Variants in PRR5L observed in about 807,000 individuals in gnomAD.
PRR5L encodes the protein proline-rich protein 5-like.
In PRR5L, 21 loss-of-function variants were observed where a neutral mutation model predicts 36.4. The ratio of observed to expected loss-of-function variants is 0.58; its 90% CI spans 0.41 to 0.83. The LOEUF is 0.83. PRR5L is among the 40% of genes least tolerant of loss of function. The pLI is 0.00. For missense variants in PRR5L, 381 were observed against 473.3 expected, an observed-to-expected ratio of 0.80 and a Z score of 1.81; for synonymous variants, 188 against 197.0, an observed-to-expected ratio of 0.95 and a Z score of 0.38.
At chr11:36,332,797 T>C (rs1241789283) in intron 1 of PRR5L, among the ~76,000 whole-genome samples, 1 of 152,174 alleles carries the variant, frequency 6.6e-6, no homozygotes, top group Non-Finnish European at 1.5e-5. Flanking sequence ...ATATGCCTGC[T>C]CCCCTTTGCC....
intron 1 of PRR5L, among the ~76,000 whole-genome samples, chr11:36,310,995 CAAAAAAAAAAAA>C (rs59947428): frequency 9.0e-5 from 8 of 88,432 alleles, no homozygotes; most frequent in African/African-American, 3.4e-4. Flanking sequence ...ACTCCGTCTC[CAAAAAAAAAAAA>C]AAAAAAAAAG....
chr11:36,376,659 CG>C (rs1480250951), intron 1 of PRR5L: 2 of 989,712 alleles, frequency 2.0e-6, no homozygotes, highest in East Asian at 1.1e-4. Flanking sequence ...AGGCGAGCGG[CG>C]GGTGTGCGCG....
chr11:36,373,186 C>T (rs1857215283), intron 1 of PRR5L, among the ~76,000 whole-genome samples: 1 of 152,146 alleles, frequency 6.6e-6, no homozygotes, highest in Non-Finnish European at 1.5e-5. Context: ...ACTTCCATTT[C>T]AGAGGTTGTG....
rs1436573998 is a variant in PRR5L at position 36,376,637 on chromosome 11, AG to A, written c.-125-24359del. 10 of 993,420 alleles carry A rather than the reference AG, an allele frequency of 1.0e-5. No individual in the cohort carries two copies. In the Admixed American group the frequency reaches 2.4e-4, roughly 24 times the overall value. The allele number at this position is 993,420 out of a possible 1,614,324, so 61.5% of individuals were successfully genotyped here. A position where few individuals can be genotyped will look rare whatever the true frequency, so the allele number is the denominator to read the frequency against. ...CGGAAACTTTTTCCTAGGCGCGCGG[AG>A]TCTGGGGCGGAGGCGAGCGGCGGGT... is the stretch of plus-strand genomic sequence containing the variant. On this transcript the variant is annotated intron_variant, in intron 1 of 8. Coordinates refer to ENST00000530639, the MANE Select transcript of PRR5L (RefSeq NM_001160167.2).
chr11:36,357,310 G>A (rs1023902149), intron 1 of PRR5L, among the ~76,000 whole-genome samples: 3 of 152,230 alleles, frequency 2.0e-5, no homozygotes, highest in Non-Finnish European at 4.4e-5. Flanking sequence ...AAAAGTGCAA[G>A]GTGAAGCAGC....
At chr11:36,363,163 G>A (rs1857110543) in intron 1 of PRR5L, among the ~76,000 whole-genome samples, 1 of 152,212 alleles carries the variant, frequency 6.6e-6, no homozygotes, top group Non-Finnish European at 1.5e-5. Flanking sequence ...GGGAAAGAGT[G>A]GCCGGGAATG....
intron 8 of PRR5L, chr11:36,454,034 G>C (rs1858998036): frequency 6.6e-6 from 1 of 152,588 alleles, no homozygotes; most frequent in Non-Finnish European, 1.5e-5. Flanking sequence ...ATGGTGCTGG[G>C]GGTGCTGGAT....
chr11:36,330,609 A>G (rs1021018464), intron 1 of PRR5L, among the ~76,000 whole-genome samples: 7 of 152,202 alleles, frequency 4.6e-5, no homozygotes, highest in Admixed American at 4.6e-4. Flanking sequence ...AGAGTAAAAC[A>G]GTAATTATCT....
chr11:36,384,423 AT>A (rs1857422352), intron 1 of PRR5L, among the ~76,000 whole-genome samples: 1 of 152,136 alleles, frequency 6.6e-6, no homozygotes, highest in Admixed American at 6.5e-5. Flanking sequence ...AAGATGATTT[AT>A]TCTTCTTTGC....
intron 1 of PRR5L, among the ~76,000 whole-genome samples, chr11:36,306,412 A>T (rs1209260423): frequency 3.3e-5 from 5 of 152,146 alleles, no homozygotes; most frequent in African/African-American, 1.2e-4. Context: ...AAGGACATGA[A>T]CTCATCCTTT....
At chr11:36,400,936 C>G in intron 1 of PRR5L, 61 bp from the exon 2 acceptor site, 1 of 1,317,754 alleles carries the variant, frequency 7.6e-7, no homozygotes, top group African/African-American at 1.5e-5. Flanking sequence ...TCCCAGCCAA[C>G]TTCCTCTAAG....
chr11:36,324,789 T>G (rs973060306), intron 1 of PRR5L, among the ~76,000 whole-genome samples: 1 of 152,186 alleles, frequency 6.6e-6, no homozygotes, highest in African/African-American at 2.4e-5. Flanking sequence ...GTCATCTATA[T>G]TCCCACTATT....
In PRR5L at chr11:36,377,859, T is replaced by G. The variant is rs1489055920; in HGVS notation, c.-125-23138T>G. On this transcript the variant is annotated intron_variant, in intron 1 of 8. Transcript: ENST00000530639. The surrounding 1 kb of genome is among the most constrained non-coding windows in gnomAD (Gnocchi z 5.1). ...CCCCGGAGACCCGCGTGGAAAAAGC[T>G]CTGGGCTGGAATCTCCGGGCTTCCC... 6.6e-6 allele frequency: 1 copy of G among 152,130 alleles called. No individual in the cohort carries two copies. Among genetic ancestry groups the G allele is most frequent in the Non-Finnish European group, 1.5e-5 (1 of 68,072 alleles). The allele number at this position is 152,130 out of a possible 1,614,324, so 9.4% of individuals were successfully genotyped here.
At chr11:36,323,491 A>C (rs1856632545) in intron 1 of PRR5L, 1 of 152,164 alleles carries the variant, frequency 6.6e-6, no homozygotes, top group Admixed American at 6.5e-5. Flanking sequence ...GCTGCCTCCA[A>C]CTGCAACCAG....
intron 1 of PRR5L, among the ~76,000 whole-genome samples, chr11:36,348,853 G>A (rs1856893208): frequency 1.3e-5 from 2 of 152,132 alleles, no homozygotes. Context: ...CAGAAAATTA[G>A]TTAGCTAGCC....
intron 1 of PRR5L, among the ~76,000 whole-genome samples, chr11:36,317,746 T>C (rs1021348540): frequency 1.1e-4 from 16 of 152,222 alleles, no homozygotes; most frequent in Admixed American, 3.9e-4. Context: ...TTCTGGTTCC[T>C]GGTGGTTTTA....
chr11:36,435,733 A>G (rs1858592148), intron 5 of PRR5L, among the ~76,000 whole-genome samples: 1 of 152,154 alleles, frequency 6.6e-6, no homozygotes, highest in Admixed American at 6.5e-5. Context: ...GGAGCAAAGG[A>G]AAATGTTCAT....
chr11:36,372,784 A>C (rs1019947757), intron 1 of PRR5L, among the ~76,000 whole-genome samples: 1 of 152,228 alleles, frequency 6.6e-6, no homozygotes, highest in Non-Finnish European at 1.5e-5. Context: ...AGGCAAGCTG[A>C]AAAATCTGTA....
chr11:36,426,504 A>C (rs1009213152), intron 4 of PRR5L, among the ~76,000 whole-genome samples: 1 of 152,226 alleles, frequency 6.6e-6, no homozygotes, highest in African/African-American at 2.4e-5. Flanking sequence ...AGCAGTCAAC[A>C]AGGTATAAGT....
Sources: gnomAD v4.1 joint callset for allele counts (sites outside exome capture counted in the v4.1 genomes callset) on GRCh38, gnomAD v4.1.1 for gene constraint, Gnocchi (gnomAD v3.1) non-coding constraint, MANE v1.5 for transcripts, NCBI Gene and HGNC (gene_info 2026-07-23, HGNC 2026-07-21) for gene names.